Variants in OR8H1 observed in about 807,000 individuals in gnomAD.
OR8H1 encodes the protein olfactory receptor 8H1.
For missense variants in OR8H1, 388 were observed against 374.1 expected (o/e 1.04, Z -0.31); for synonymous variants, 135 against 134.5 (o/e 1.00, Z -0.03).
chr11:56,290,133 G>A lies in OR8H1; in HGVS notation c.930C>T (p.Ser310=), dbSNP rs115458973. 9.0e-5 allele frequency: 144 copies of A among 1,601,180 alleles called. No individual in the cohort carries two copies. In the East Asian group the frequency reaches 2.1e-3, roughly 23 times the overall value. Residue 310 remains serine (S), a synonymous_variant, in exon 2 of 2, where the codon TCC becomes TCT. Coordinates refer to ENST00000641600, the MANE Select transcript of OR8H1 (RefSeq NM_001005199.2). ...LIRVMQRRQD[S]R ...AGCATTCCTGCTATTTTAATTACCT[G>A]GAGTCCTGTCTTCTCTGCATGACTC...
chr11:56,288,950 T>A lies in OR8H1; in HGVS notation c.*1177A>T, dbSNP rs1854101765. ...AGGGTTTCTATTTTCCTTAATATTT[T>A]ATAATATTTTTCAAATTTTCTCTAA... On this transcript the variant is annotated 3_prime_UTR_variant, in exon 2 of 2. Coordinates refer to ENST00000641600, the MANE Select transcript of OR8H1 (RefSeq NM_001005199.2). 6.6e-6 allele frequency: 1 copy of A among 152,124 alleles called. No individual in the cohort carries two copies. The highest frequency in any genetic ancestry group is 2.1e-4 in the South Asian group (1 of 4,838). The allele number at this position is 152,124 out of a possible 1,614,324, so 9.4% of individuals were successfully genotyped here. A position where few individuals can be genotyped will look rare whatever the true frequency, so the allele number is the denominator to read the frequency against.
chr11:56,291,501 ATAAT>A (rs1854151605), intron 1 of OR8H1, among the ~76,000 whole-genome samples: 1 of 152,220 alleles, frequency 6.6e-6, no homozygotes, highest in Non-Finnish European at 1.5e-5. Flanking sequence ...GAGAAGGCTT[ATAAT>A]ACTATACTCC....
chr11:56,290,674 C>G lies in OR8H1; in HGVS notation c.389G>C (p.Arg130Pro). The change falls in exon 2 of 2, where the codon CGT (arginine) becomes CCT (proline). Residue 130 changes from arginine (R) to proline (P), a missense_variant. Arg to Pro is a moderately radical substitution (Grantham distance 103). Coordinates refer to ENST00000641600, the MANE Select transcript of OR8H1 (RefSeq NM_001005199.2). The part of the protein sequence containing the change: ...DRYVAICSPL[R>P]YPVIMSKRLC... ...CCTTTTGGACATAATAACTGGGTAA[C>G]GTAGAGGACTGCAGATAGCTACGTA... is the stretch of plus-strand genomic sequence containing the variant. 4 of 1,613,906 alleles carry G rather than the reference C, an allele frequency of 2.5e-6. No individual in the cohort carries two copies. The highest frequency in any genetic ancestry group is 2.2e-5 in the East Asian group (1 of 44,876).
chr11:56,291,089 G>T lies in OR8H1; in HGVS notation c.-22-5C>A. 1 of 1,486,034 alleles carries T rather than the reference G, an allele frequency of 6.7e-7. No homozygotes were observed. The highest frequency in any genetic ancestry group is 9.1e-7 in the Non-Finnish European group (1 of 1,100,296). The allele number at this position is 1,486,034 out of a possible 1,614,324, so 92.1% of individuals were successfully genotyped here. On this transcript the variant is annotated splice_polypyrimidine_tract_variant and splice_region_variant and intron_variant, in intron 1 of 1. Transcript: ENST00000641600. ...ATGTTCAATTGCTTTAAACTGCTGA[G>T]AAATCAAAGTTGATACTTAACATGA...
In OR8H1 at chr11:56,290,893, G is replaced by A; in HGVS notation, c.170C>T (p.Thr57Ile). Residue 57 changes from threonine (T) to isoleucine (I), a missense_variant, in exon 2 of 2, where the codon ACT (threonine) becomes ATT (isoleucine). Coordinates refer to ENST00000641600, the MANE Select transcript of OR8H1 (RefSeq NM_001005199.2). ...LIIRLDLQLH[T>I]PMYFFLTHLS... ...GTGAGTAAGGAAAAAATACATGGGAGTGTGAAGCTGGAGGTCCAGGCGGAT... is the reference window on the plus strand; with the variant it reads ...GTGAGTAAGGAAAAAATACATGGGAATGTGAAGCTGGAGGTCCAGGCGGAT... 2 of 1,614,160 alleles carry A rather than the reference G, an allele frequency of 1.2e-6. No individual in the cohort carries two copies. Among genetic ancestry groups the A allele is most frequent in the Non-Finnish European group, 1.7e-6 (2 of 1,180,024 alleles).
rs1310859045 is a variant in OR8H1, at chr11:56,289,341, A to G, written c.*786T>C. 6.6e-6 allele frequency: 1 copy of G among 152,182 alleles called. No homozygotes were observed. The highest frequency in any genetic ancestry group is 1.9e-4 in the East Asian group (1 of 5,194). The allele number at this position is 152,182 out of a possible 1,614,324, so 9.4% of individuals were successfully genotyped here. On this transcript the variant is annotated 3_prime_UTR_variant, in exon 2 of 2. Coordinates refer to ENST00000641600, the MANE Select transcript of OR8H1 (RefSeq NM_001005199.2). The stretch of plus-strand genomic sequence containing the variant: ...TGAAAATGTAGCATATTTAGAATCT[A>G]ACTCTTGGAAAACTTTATTTCAAAA...
rs1392153015 is a variant in OR8H1, at chr11:56,289,204, A to T, written c.*923T>A. The T allele has an allele frequency of 6.6e-6, 1 of 152,180 alleles. No homozygotes were observed. The highest frequency in any genetic ancestry group is 1.5e-5 in the Non-Finnish European group (1 of 68,006). 9.4% of individuals were successfully genotyped at this position (152,180 alleles called of 1,614,324 possible). A position where few individuals can be genotyped will look rare whatever the true frequency, so the allele number is the denominator to read the frequency against. ...AGAATAGGCAGCATTGATTATTGTC[A>T]CCTTAAATACTTTACAGCTACTCTC... On this transcript the variant is annotated 3_prime_UTR_variant, in exon 2 of 2. Transcript: ENST00000641600.
rs571138882 is a variant in OR8H1, at chr11:56,289,305, G to T, written c.*822C>A. ...TTTAAATTTTAGGTAACATATTCTG[G>T]GTTGTATAGCTGAAAATGTAGCATA... is the stretch of plus-strand genomic sequence containing the variant. On this transcript the variant is annotated 3_prime_UTR_variant, in exon 2 of 2. Transcript: ENST00000641600. 6.6e-6 allele frequency: 1 copy of T among 152,024 alleles called. No individual in the cohort carries two copies. The highest frequency in any genetic ancestry group is 1.5e-5 in the Non-Finnish European group (1 of 67,994). 9.4% of individuals were successfully genotyped at this position (152,024 alleles called of 1,614,324 possible).
Position 56,290,343 on chromosome 11 carries a change from A to T in OR8H1, c.720T>A (p.Cys240Ter). The change falls in exon 2 of 2, where the codon TGT becomes TGA. Residue 240 changes from cysteine to a stop codon, truncating the protein, a stop_gained. Transcript: ENST00000641600. LOFTEE classifies it low-confidence loss of function (END_TRUNC). ...TGGTGACTCCCAAGAGATGAGAGGC[A>T]CAAGTAGACAAAGCTTTCTGCTTTC... ...TSGKQKALST[C>*]ASHLLGVTIF... 6.2e-7 allele frequency: 1 copy of T among 1,614,220 alleles called. No homozygotes were observed. The highest frequency in any genetic ancestry group is 1.1e-5 in the South Asian group (1 of 91,080).
At chr11:56,291,236 TAA>T (rs1340532236) in intron 1 of OR8H1, 152 bp from the exon 2 acceptor site, 1 of 564,466 alleles carries the variant, frequency 1.8e-6, no homozygotes, top group African/African-American at 1.9e-5. Flanking sequence ...CCAATGTAGA[TAA>T]AAGTGTAAAT....
intron 1 of OR8H1, among the ~76,000 whole-genome samples, chr11:56,291,698 A>G (rs1854154544): frequency 6.6e-6 from 1 of 152,134 alleles, no homozygotes; most frequent in Non-Finnish European, 1.5e-5. Context: ...ACCATATATA[A>G]GTATTAATTT....
rs191558320 is a variant in OR8H1 at position 56,289,744 on chromosome 11, C to T, written c.*383G>A. The T allele has an allele frequency of 5.0e-4, 103 of 207,858 alleles. No individual in the cohort carries two copies. Among genetic ancestry groups the T allele is most frequent in the African/African-American group, 2.3e-3 (98 of 42,228 alleles). 12.9% of individuals were successfully genotyped at this position (207,858 alleles called of 1,614,324 possible). A position where few individuals can be genotyped will look rare whatever the true frequency, so the allele number is the denominator to read the frequency against. ...TGAAGCGATTCTCCTACCTCAGCCC[C>T]GCAAGTAGCTGGGATTACAGGCATG... On this transcript the variant is annotated 3_prime_UTR_variant, in exon 2 of 2. Coordinates refer to ENST00000641600, the MANE Select transcript of OR8H1 (RefSeq NM_001005199.2).
At chr11:56,291,193 T>A in intron 1 of OR8H1, 109 bp from the exon 2 acceptor site, 1 of 664,788 alleles carries the variant, frequency 1.5e-6, no homozygotes, top group Non-Finnish European at 2.5e-6. Context: ...CTAATACATT[T>A]ATAGAATGTG....
At chr11:56,291,417 G>A (rs901435442) in intron 1 of OR8H1, among the ~76,000 whole-genome samples, 5 of 152,070 alleles carry the variant, frequency 3.3e-5, no homozygotes, top group African/African-American at 1.2e-4. Flanking sequence ...GAGTATGGAA[G>A]GTTTGAGTAA....
Position 56,290,990 on chromosome 11 carries a change from T to C in OR8H1, c.73A>G (p.Met25Val). 1 of 1,613,916 alleles carries C rather than the reference T, an allele frequency of 6.2e-7. No homozygotes were observed. Among genetic ancestry groups the C allele is most frequent in the Non-Finnish European group, 8.5e-7 (1 of 1,179,822 alleles). ...AGGAGAAATAGTATAAAGAGGGCCATCTGGACCTCTTCAGAATCTGACAGT... is the reference window on the plus strand; with the variant it reads ...AGGAGAAATAGTATAAAGAGGGCCACCTGGACCTCTTCAGAATCTGACAGT... ...TGLSDSEEVQMALFILFLLIY... is the reference protein window; with the variant it reads ...TGLSDSEEVQVALFILFLLIY... Residue 25 changes from methionine (M) to valine (V), a missense_variant, in exon 2 of 2, where the codon ATG (methionine) becomes GTG (valine). Transcript: ENST00000641600.
chr11:56,289,883 G>A lies in OR8H1; in HGVS notation c.*244C>T. 2 of 520,888 alleles carry A rather than the reference G, an allele frequency of 3.8e-6. No homozygotes were observed. The allele number at this position is 520,888 out of a possible 1,614,324, so 32.3% of individuals were successfully genotyped here. On this transcript the variant is annotated 3_prime_UTR_variant, in exon 2 of 2. Coordinates refer to ENST00000641600, the MANE Select transcript of OR8H1 (RefSeq NM_001005199.2). Reference sequence around the variant, plus strand: ...GATCCACCCACCTCGGCCTCCCAGAGTGCTGGGATTATAGGCATGAGCCAC... The same window carrying A: ...GATCCACCCACCTCGGCCTCCCAGAATGCTGGGATTATAGGCATGAGCCAC...
chr11:56,291,122 C>T, intron 1 of OR8H1, 38 bp from the exon 2 acceptor site: 1 of 1,201,806 alleles, frequency 8.3e-7, no homozygotes. Context: ...TGAATGACTT[C>T]AAAAGGTTTC....
In OR8H1 at chr11:56,290,390, G is replaced by C. The variant is rs1230530961; in HGVS notation, c.673C>G (p.Leu225Val). The part of the protein sequence containing the change: ...ASYVSILSTI[L>V]KINSTSGKQK... The stretch of plus-strand genomic sequence containing the variant: ...TTTCCTGAAGTGGAATTAATTTTCA[G>C]GATGGTAGAGAGAATGGACACATAG... The change falls in exon 2 of 2, where the codon CTG becomes GTG. Residue 225 changes from leucine to valine, a missense_variant. Coordinates refer to ENST00000641600, the MANE Select transcript of OR8H1 (RefSeq NM_001005199.2). 6.2e-7 allele frequency: 1 copy of C among 1,614,210 alleles called. No homozygotes were observed. The highest frequency in any genetic ancestry group is 2.2e-5 in the East Asian group (1 of 44,870).
Position 56,290,069 on chromosome 11 carries a change from A to G in OR8H1, c.*58T>C. ...GTTTTTATAGGGAGACCAAGGACAT[A>G]CCAAATAGAAAAGAAAGAAAAGATG... On this transcript the variant is annotated 3_prime_UTR_variant, in exon 2 of 2. Coordinates refer to ENST00000641600, the MANE Select transcript of OR8H1 (RefSeq NM_001005199.2). 2 of 1,365,558 alleles carry G rather than the reference A, an allele frequency of 1.5e-6. No homozygotes were observed. The highest frequency in any genetic ancestry group is 1.0e-6 in the Non-Finnish European group (1 of 953,672). 84.6% of individuals were successfully genotyped at this position (1,365,558 alleles called of 1,614,324 possible).
Sources: allele counts gnomAD v4.1 joint callset (sites outside exome capture counted in the v4.1 genomes callset), GRCh38; gene constraint gnomAD v4.1.1; transcripts MANE v1.5; gene names NCBI Gene and HGNC (gene_info 2026-07-23, HGNC 2026-07-21).